The following DPP10 variants were observed in gnomAD, a reference collection of about 807,000 sequenced individuals.
DPP10 encodes dipeptidyl peptidase like 10.
A neutral mutation model predicts 120.9 loss-of-function variants in DPP10; 33 were observed. The ratio of observed to expected loss-of-function variants is 0.27; its 90% CI spans 0.21 to 0.37. DPP10 has a LOEUF of 0.37. Ranked by LOEUF, DPP10 falls within the 10% of genes least tolerant of loss-of-function variation. The pLI is 1.00. For synonymous variants in DPP10, 337 were observed against 326.1 expected (o/e 1.03, Z -0.36); for missense variants, 816 against 942.8 (o/e 0.87, Z 1.76).
intron 1 of DPP10, among the ~76,000 whole-genome samples, chr2:114,596,701 C>T (rs188180704): frequency 6.6e-6 from 1 of 151,900 alleles, no homozygotes; most frequent in Non-Finnish European, 1.5e-5. Flanking sequence ...AGTATTGTTA[C>T]TCCATTTTTT....
chr2:114,923,416 C>T (rs1410033513), intron 1 of DPP10, among the ~76,000 whole-genome samples: 1 of 149,320 alleles, frequency 6.7e-6, no homozygotes, highest in Non-Finnish European at 1.5e-5. Context: ...TCTCCTGCCT[C>T]AACCTCCCAA....
intron 19 of DPP10, among the ~76,000 whole-genome samples, chr2:115,803,391 A>C (rs150706634): frequency 0.018 from 2,771 of 152,146 alleles, 85 homozygotes; most frequent in African/African-American, 0.061. Flanking sequence ...ATCCAATTTG[A>C]CAGTCTGTGC....
At chr2:115,803,431 A>C (rs1162814394) in intron 19 of DPP10, among the ~76,000 whole-genome samples, 1 of 152,130 alleles carries the variant, frequency 6.6e-6, no homozygotes, top group Admixed American at 6.5e-5. Flanking sequence ...GCCCATTGAC[A>C]TTTAAGGTTA....
chr2:115,257,911 T>A (rs897360752), intron 1 of DPP10, among the ~76,000 whole-genome samples: 1 of 151,920 alleles, frequency 6.6e-6, no homozygotes, highest in Admixed American at 6.6e-5. Flanking sequence ...CTAGAAGGGG[T>A]TTTTTTGTTA....
At chr2:115,421,449 A>G (rs1021806944) in intron 3 of DPP10, among the ~76,000 whole-genome samples, 1 of 152,216 alleles carries the variant, frequency 6.6e-6, no homozygotes, top group Admixed American at 6.5e-5. Context: ...GTCAAACCTG[A>G]AAATGATCTT....
At chr2:115,149,442 C>A (rs1032684395) in intron 1 of DPP10, among the ~76,000 whole-genome samples, 37 of 152,216 alleles carry the variant, frequency 2.4e-4, no homozygotes. Context: ...TCCCTATCAT[C>A]CTCATCAATT....
At chr2:115,836,787 C>T (rs376466742) in intron 24 of DPP10, 41 bp downstream of exon 24, 3 of 1,577,498 alleles carry the variant, frequency 1.9e-6, no homozygotes, top group African/African-American at 2.7e-5. Flanking sequence ...TAGGGTATGA[C>T]CTTTTACAAA....
At chr2:114,737,849 G>A (rs1000146835) in intron 1 of DPP10, among the ~76,000 whole-genome samples, 12 of 152,194 alleles carry the variant, frequency 7.9e-5, no homozygotes, top group Admixed American at 1.3e-4. Context: ...TTACGAGAAT[G>A]GAATGAGGTA....
At chr2:115,240,123 T>C (rs1310274665) in intron 1 of DPP10, among the ~76,000 whole-genome samples, 1 of 152,188 alleles carries the variant, frequency 6.6e-6, no homozygotes, top group African/African-American at 2.4e-5. Flanking sequence ...CACCCAGTAA[T>C]GGGATTGCTG....
intron 7 of DPP10, among the ~76,000 whole-genome samples, chr2:115,695,605 A>G (rs527735688): frequency 3.9e-5 from 6 of 152,238 alleles, no homozygotes; most frequent in African/African-American, 9.6e-5. Flanking sequence ...CCATGATTCA[A>G]TTACCTCCCA....
At chr2:114,888,158 A>G (rs909205493) in intron 1 of DPP10, among the ~76,000 whole-genome samples, 2 of 151,690 alleles carry the variant, frequency 1.3e-5, no homozygotes, top group African/African-American at 4.8e-5. Context: ...AAAAAAAAAA[A>G]AAGAAAAGAA....
At chr2:115,576,737 G>A (rs552569903) in intron 5 of DPP10, among the ~76,000 whole-genome samples, 10 of 152,148 alleles carry the variant, frequency 6.6e-5, no homozygotes, top group African/African-American at 9.6e-5. Flanking sequence ...CACATGTGCC[G>A]AAAGCCACTC....
chr2:115,019,718 G>C (rs950558222), intron 1 of DPP10, among the ~76,000 whole-genome samples: 2 of 152,184 alleles, frequency 1.3e-5, no homozygotes, highest in African/African-American at 4.8e-5. Flanking sequence ...TAGTCATCAG[G>C]TTATCTAAAG....
At chr2:115,229,569 C>T (rs1353031430) in intron 1 of DPP10, among the ~76,000 whole-genome samples, 2 of 151,946 alleles carry the variant, frequency 1.3e-5, no homozygotes, top group African/African-American at 4.8e-5. Context: ...ATATACAGAT[C>T]TAGTCTTATT....
intron 3 of DPP10, among the ~76,000 whole-genome samples, chr2:115,471,008 T>C (rs1038198612): frequency 2.6e-5 from 4 of 152,186 alleles, no homozygotes; most frequent in Admixed American, 2.0e-4. Context: ...ACCTCTATTA[T>C]GTTCTTGTAA....
chr2:115,165,866 C>T (rs1349091645), intron 1 of DPP10, among the ~76,000 whole-genome samples: 1 of 152,222 alleles, frequency 6.6e-6, no homozygotes, highest in East Asian at 1.9e-4. Flanking sequence ...GACTAAAAAG[C>T]ATATTTTTAA....
chr2:114,586,940 T>A (rs574348568), intron 1 of DPP10, among the ~76,000 whole-genome samples: 2 of 152,208 alleles, frequency 1.3e-5, no homozygotes, highest in Non-Finnish European at 2.9e-5. Flanking sequence ...CAGAAGCAGA[T>A]GCTGGTAACC....
rs1269399061 is a variant in DPP10 at position 115,637,870 on chromosome 2, G to C, written c.442-51817G>C. 3.3e-5 allele frequency among the ~76,000 whole-genome samples: 5 copies of C among 152,224 alleles called. No individual in the cohort carries two copies. In the East Asian group the frequency reaches 9.7e-4, roughly 30 times the overall value. On this transcript the variant is annotated intron_variant, in intron 5 of 25. Coordinates refer to ENST00000410059, the MANE Select transcript of DPP10 (RefSeq NM_020868.6). ...AGACATCACCAGTCTGTGACCTCTAGTACCACCCTTGTACCTGTATCACAT... is the reference window on the plus strand; with the variant it reads ...AGACATCACCAGTCTGTGACCTCTACTACCACCCTTGTACCTGTATCACAT...
intron 4 of DPP10, among the ~76,000 whole-genome samples, chr2:115,504,980 A>G (rs754904306): frequency 1.3e-4 from 20 of 152,080 alleles, no homozygotes; most frequent in Non-Finnish European, 2.2e-4. Flanking sequence ...ACAGTTCCCC[A>G]TAGGTTTAAA....
Sources: allele counts gnomAD v4.1 joint callset (sites outside exome capture counted in the v4.1 genomes callset), GRCh38; gene constraint gnomAD v4.1.1; transcripts MANE v1.5; gene names NCBI Gene and HGNC (gene_info 2026-07-23, HGNC 2026-07-21).